The following SOX5 variants were observed in gnomAD, a reference collection of about 807,000 sequenced individuals.
The protein encoded by SOX5 is transcription factor SOX-5.
SOX5 carries 9 observed loss-of-function variants against 92.0 expected under a neutral mutation model. That is an observed-to-expected ratio of 0.10 (90% CI 0.06 to 0.17). SOX5 has a LOEUF of 0.17. Ranked by LOEUF, SOX5 falls within the 10% of genes least tolerant of loss-of-function variation. SOX5 has a pLI of 1.00. For synonymous variants in SOX5, 344 were observed against 336.3 expected (o/e 1.02, Z -0.25); for missense variants, 642 against 944.5 (o/e 0.68, Z 4.20).
At chr12:24,338,268 T>C (rs1367366385) in intron 2 of SOX5, among the ~76,000 whole-genome samples, 2 of 152,196 alleles carry the variant, frequency 1.3e-5, no homozygotes, top group African/African-American at 2.4e-5. Context: ...CTACATTTTA[T>C]AATACAAGTT....
intron 1 of SOX5, among the ~76,000 whole-genome samples, chr12:24,514,559 A>G (rs1300616469): frequency 6.6e-6 from 1 of 152,230 alleles, no homozygotes; most frequent in African/African-American, 2.4e-5. Context: ...CTGGGTATAT[A>G]CCCAAAGCAG....
chr12:24,060,824 G>T (rs569762912), intron 4 of SOX5, among the ~76,000 whole-genome samples: 3 of 152,280 alleles, frequency 2.0e-5, no homozygotes, highest in South Asian at 2.1e-4. Context: ...CATGGACAAA[G>T]GTTGCTTAAA....
intron 9 of SOX5, among the ~76,000 whole-genome samples, chr12:23,595,941 A>G (rs556621992): frequency 6.6e-6 from 1 of 152,292 alleles, no homozygotes; most frequent in Admixed American, 6.5e-5. Flanking sequence ...ATAACAAAAA[A>G]GACTTATTCT....
chr12:24,391,679 T>C (rs1156272713), intron 1 of SOX5, among the ~76,000 whole-genome samples: 1 of 152,176 alleles, frequency 6.6e-6, no homozygotes, highest in Non-Finnish European at 1.5e-5. Flanking sequence ...ATGGCTCTAT[T>C]AAAAGAAGTA....
At chr12:24,278,142 G>A (rs1250859959) in intron 2 of SOX5, among the ~76,000 whole-genome samples, 1 of 152,154 alleles carries the variant, frequency 6.6e-6, no homozygotes, top group African/African-American at 2.4e-5. Context: ...GGGAAATTGA[G>A]TAATCTCTTG....
intron 1 of SOX5, among the ~76,000 whole-genome samples, chr12:24,440,387 C>T (rs935479602): frequency 6.6e-6 from 1 of 152,118 alleles, no homozygotes; most frequent in African/African-American, 2.4e-5. Context: ...CCACAGGATC[C>T]GCAGATGACC....
intron 3 of SOX5, among the ~76,000 whole-genome samples, chr12:23,814,993 TA>T (rs2095959507): frequency 6.6e-6 from 1 of 152,202 alleles, no homozygotes; most frequent in Non-Finnish European, 1.5e-5. Flanking sequence ...TAAGAACAGC[TA>T]TAAACTGCAA....
intron 4 of SOX5, among the ~76,000 whole-genome samples, chr12:23,976,843 AAC>A (rs1168075455): frequency 6.6e-6 from 1 of 152,110 alleles, no homozygotes; most frequent in Non-Finnish European, 1.5e-5. Flanking sequence ...CAAAAACAAA[AAC>A]AGCATATATA....
At chr12:24,487,346 G>C (rs961498178) in intron 1 of SOX5, among the ~76,000 whole-genome samples, 1 of 152,012 alleles carries the variant, frequency 6.6e-6, no homozygotes, top group Non-Finnish European at 1.5e-5. Context: ...AAATTTAAAA[G>C]CTTAGGAAAA....
intron 1 of SOX5, among the ~76,000 whole-genome samples, chr12:24,558,734 T>C (rs900093207): frequency 2.0e-4 from 30 of 152,160 alleles, no homozygotes; most frequent in African/African-American, 7.2e-4. Context: ...AAATATTAGG[T>C]ATGAGTGATT....
intron 1 of SOX5, among the ~76,000 whole-genome samples, chr12:23,946,542 A>G (rs968407703): frequency 3.3e-5 from 5 of 152,044 alleles, no homozygotes; most frequent in African/African-American, 1.2e-4. Flanking sequence ...TTGAAATATC[A>G]AAAAGTAGGT....
chr12:24,311,028 ACTTCTGC>A (rs1245823055), intron 2 of SOX5, among the ~76,000 whole-genome samples: 3 of 152,234 alleles, frequency 2.0e-5, no homozygotes, highest in Non-Finnish European at 2.9e-5. Flanking sequence ...CAAGAAGGTC[ACTTCTGC>A]CTTTCTCCTA....
chr12:23,660,835 C>T (rs906024322), intron 7 of SOX5, among the ~76,000 whole-genome samples: 7 of 152,122 alleles, frequency 4.6e-5, no homozygotes, highest in African/African-American at 1.7e-4. Flanking sequence ...AAATATCCAA[C>T]TGCTCAATTT....
chr12:24,266,382 C>T (rs1279405942), intron 3 of SOX5, among the ~76,000 whole-genome samples: 1 of 152,060 alleles, frequency 6.6e-6, no homozygotes, highest in Admixed American at 6.6e-5. Context: ...TAAGCATCAA[C>T]ATTAACAGAC....
intron 1 of SOX5, among the ~76,000 whole-genome samples, chr12:23,931,219 A>G (rs752426036): frequency 6.6e-6 from 1 of 151,816 alleles, no homozygotes; most frequent in Non-Finnish European, 1.5e-5. Flanking sequence ...TTGACAATTC[A>G]TCATCAAGAA....
chr12:24,002,843 G>A (rs1347795892), intron 4 of SOX5, among the ~76,000 whole-genome samples: 1 of 151,684 alleles, frequency 6.6e-6, no homozygotes, highest in Admixed American at 6.6e-5. Context: ...GTATTACCTG[G>A]GTACCAAAGT....
At chr12:24,362,302 TC>T (rs10718051) in intron 2 of SOX5, among the ~76,000 whole-genome samples, 3,557 of 142,782 alleles carry the variant, frequency 0.025, 148 homozygotes, top group African/African-American at 0.084. Flanking sequence ...TTATTACAAG[TC>T]ACACATACAG....
intron 4 of SOX5, among the ~76,000 whole-genome samples, chr12:24,169,051 C>T (rs1426160448): frequency 6.6e-6 from 1 of 152,020 alleles, no homozygotes; most frequent in Non-Finnish European, 1.5e-5. Flanking sequence ...CAACTGCTTT[C>T]AGATGTGAAA....
At chr12:24,449,223 C>G (rs546046455) in intron 1 of SOX5, among the ~76,000 whole-genome samples, 1 of 152,118 alleles carries the variant, frequency 6.6e-6, no homozygotes, top group African/African-American at 2.4e-5. Context: ...CTCACCAGCA[C>G]ACTTACAAAA....
Sources: gnomAD v4.1 joint callset for allele counts (sites outside exome capture counted in the v4.1 genomes callset) on GRCh38, gnomAD v4.1.1 for gene constraint, MANE v1.5 for transcripts, NCBI Gene and HGNC (gene_info 2026-07-23, HGNC 2026-07-21) for gene names.